Variants in PTAR1 observed in about 807,000 individuals in gnomAD.
PTAR1 encodes protein prenyltransferase alpha subunit repeat containing 1.
In PTAR1, 17 loss-of-function variants were observed where a neutral mutation model predicts 45.5. The observed-to-expected ratio is 0.37, with a 90% CI of 0.26 to 0.56. PTAR1 has a LOEUF of 0.56. Ranked by LOEUF, PTAR1 falls within the 20% of genes least tolerant of loss-of-function variation. The pLI, the probability that PTAR1 is intolerant of heterozygous loss-of-function variation, is 0.77. For synonymous variants in PTAR1, 169 were observed against 171.3 expected (o/e 0.99, Z 0.11); for missense variants, 391 against 476.3 (o/e 0.82, Z 1.67).
chr9:69,724,280 A>T (rs1825163384), intron 5 of PTAR1, among the ~76,000 whole-genome samples: 1 of 152,200 alleles, frequency 6.6e-6, no homozygotes, highest in African/African-American at 2.4e-5. Context: ...AATAACTGAA[A>T]ATTCAGCAGC....
At chr9:69,720,644 G>A (rs925567957) in intron 6 of PTAR1, among the ~76,000 whole-genome samples, 2 of 152,204 alleles carry the variant, frequency 1.3e-5, no homozygotes, top group Non-Finnish European at 2.9e-5. Context: ...TTCATAGCTA[G>A]AGAGAAATCC....
intron 3 of PTAR1, among the ~76,000 whole-genome samples, chr9:69,734,534 T>G (rs1347911083): frequency 6.6e-6 from 1 of 152,158 alleles, no homozygotes; most frequent in African/African-American, 2.4e-5. Flanking sequence ...TTTTTAAATC[T>G]TAACTATTTG....
Position 69,713,968 on chromosome 9 carries a change from T to TA in PTAR1, c.*4373dup, listed in dbSNP as rs1824625436. 1 of 152,120 alleles carries TA rather than the reference T, an allele frequency of 6.6e-6. No homozygotes were observed. The highest frequency in any genetic ancestry group is 1.5e-5 in the Non-Finnish European group (1 of 67,996). 9.4% of individuals were successfully genotyped at this position (152,120 alleles called of 1,614,324 possible). A position where few individuals can be genotyped will look rare whatever the true frequency, so the allele number is the denominator to read the frequency against. On this transcript the variant is annotated 3_prime_UTR_variant, in exon 8 of 8. Transcript: ENST00000340434. ...ACTTCCATCCTGTTTTCTTAAACATTAAATATAATCTTGCTCCCAAAAAAG... is the reference window on the plus strand; with the variant it reads ...ACTTCCATCCTGTTTTCTTAAACATTAAAATATAATCTTGCTCCCAAAAAAG...
At chr9:69,758,993 T>C (rs1464924082) in intron 1 of PTAR1, among the ~76,000 whole-genome samples, 1 of 151,388 alleles carries the variant, frequency 6.6e-6, no homozygotes, top group Admixed American at 6.6e-5. Context: ...CCCTACACCT[T>C]TGTATAATGT....
intron 3 of PTAR1, among the ~76,000 whole-genome samples, chr9:69,736,409 T>C (rs553002578): frequency 2.0e-5 from 3 of 152,240 alleles, no homozygotes; most frequent in South Asian, 4.2e-4. Flanking sequence ...GTAAAAAAAT[T>C]AGCTGGGCAT....
rs1313340169 is a variant in PTAR1 at position 69,717,426 on chromosome 9, A to G, written c.*916T>C. ...ACCAAATTTGAGGTAAAAATAATCTATCAAAACTAGCAATAAAAATAATTT... is the reference window on the plus strand; with the variant it reads ...ACCAAATTTGAGGTAAAAATAATCTGTCAAAACTAGCAATAAAAATAATTT... On this transcript the variant is annotated 3_prime_UTR_variant, in exon 8 of 8. Transcript: ENST00000340434. 3.9e-5 allele frequency: 6 copies of G among 152,216 alleles called. No homozygotes were observed. Among genetic ancestry groups the G allele is most frequent in the Admixed American group, 2.0e-4 (3 of 15,264 alleles). 9.4% of individuals were successfully genotyped at this position (152,216 alleles called of 1,614,324 possible).
intron 2 of PTAR1, among the ~76,000 whole-genome samples, chr9:69,746,524 T>A (rs1826282969): frequency 6.6e-6 from 1 of 152,204 alleles, no homozygotes; most frequent in African/African-American, 2.4e-5. Context: ...CTCAATTTCA[T>A]CAACAATACG....
intron 5 of PTAR1, among the ~76,000 whole-genome samples, chr9:69,730,357 C>T (rs1825479166): frequency 6.6e-6 from 1 of 151,774 alleles, no homozygotes; most frequent in Admixed American, 6.6e-5. Flanking sequence ...CACTTTGGCC[C>T]CTTGTTCCTG....
chr9:69,759,808 C>T, intron 1 of PTAR1, 45 bp downstream of exon 1: 1 of 1,502,012 alleles, frequency 6.7e-7, no homozygotes, highest in South Asian at 1.2e-5. Flanking sequence ...CCCGCCCCCG[C>T]CCGCTCCCGA....
At chr9:69,747,969 T>C (rs973255383) in intron 2 of PTAR1, among the ~76,000 whole-genome samples, 2 of 152,096 alleles carry the variant, frequency 1.3e-5, no homozygotes, top group African/African-American at 4.8e-5. Flanking sequence ...GATGAGCATA[T>C]AATGTATTTC....
At chr9:69,758,563 A>G in intron 1 of PTAR1, 1 of 223,344 alleles carries the variant, frequency 4.5e-6, no homozygotes, top group South Asian at 5.0e-5. Flanking sequence ...AGGGGGAGGG[A>G]AGTGGATGCT....
chr9:69,745,793 A>C (rs1285999938), intron 2 of PTAR1, among the ~76,000 whole-genome samples: 1 of 152,184 alleles, frequency 6.6e-6, no homozygotes, highest in African/African-American at 2.4e-5. Flanking sequence ...TAGATGATTA[A>C]ATCCTTGAAG....
intron 1 of PTAR1, among the ~76,000 whole-genome samples, chr9:69,754,860 A>C (rs1826701286): frequency 1.3e-5 from 2 of 151,946 alleles, no homozygotes; most frequent in Admixed American, 6.6e-5. Flanking sequence ...AGCTGGGTAT[A>C]CATCCTTTTT....
intron 2 of PTAR1, among the ~76,000 whole-genome samples, chr9:69,749,967 T>C (rs1306063840): frequency 6.6e-6 from 1 of 151,952 alleles, no homozygotes; most frequent in Non-Finnish European, 1.5e-5. Context: ...TCCAGGCATA[T>C]TGAGCGCTTT....
chr9:69,715,318 T>C lies in PTAR1; in HGVS notation c.*3024A>G, dbSNP rs1217965554. 2 of 149,856 alleles carry C rather than the reference T, an allele frequency of 1.3e-5. No individual in the cohort carries two copies. The highest frequency in any genetic ancestry group is 3.0e-5 in the Non-Finnish European group (2 of 67,218). 9.3% of individuals were successfully genotyped at this position (149,856 alleles called of 1,614,324 possible). On this transcript the variant is annotated 3_prime_UTR_variant, in exon 8 of 8. Coordinates refer to ENST00000340434, the MANE Select transcript of PTAR1 (RefSeq NM_001099666.2). ...TTGCACTAATCCATCAATTTCTCAA[T>C]CATCACTCATTCTTAACACTCACAA...
chr9:69,729,708 A>G (rs963421587), intron 5 of PTAR1, among the ~76,000 whole-genome samples: 3 of 152,200 alleles, frequency 2.0e-5, no homozygotes, highest in African/African-American at 7.2e-5. Context: ...AAGGCTACAC[A>G]GCAAATTGGT....
At chr9:69,754,483 A>G (rs914946359) in intron 1 of PTAR1, among the ~76,000 whole-genome samples, 1 of 151,494 alleles carries the variant, frequency 6.6e-6, no homozygotes, top group African/African-American at 2.4e-5. Context: ...AAAAACCCTA[A>G]AAGTCACTTG....
intron 3 of PTAR1, 23 bp from the exon 4 acceptor site, chr9:69,734,277 A>AAAAG: frequency 8.5e-7 from 1 of 1,176,298 alleles, no homozygotes; most frequent in Non-Finnish European, 1.2e-6. Flanking sequence ...AAAAAAAAAA[A>AAAAG]AAAAAAAATT....
chr9:69,750,385 A>G (rs1170032932), intron 2 of PTAR1, among the ~76,000 whole-genome samples: 1 of 152,022 alleles, frequency 6.6e-6, no homozygotes, highest in African/African-American at 2.4e-5. Context: ...TATGAAAATG[A>G]GTTTTGCTGC....
Sources: allele counts gnomAD v4.1 joint callset (sites outside exome capture counted in the v4.1 genomes callset), GRCh38; gene constraint gnomAD v4.1.1; transcripts MANE v1.5; gene names NCBI Gene and HGNC (gene_info 2026-07-23, HGNC 2026-07-21).